Variants in RHOT2 observed in about 807,000 individuals in gnomAD.
The protein encoded by RHOT2 is ras homolog family member T2.
Under a neutral mutation model 81.6 loss-of-function variants are expected in RHOT2, and 90 were observed. The ratio of observed to expected loss-of-function variants is 1.10; its 90% confidence interval spans 0.93 to 1.31. The LOEUF (loss-of-function observed/expected upper bound fraction) is 1.31, where lower values mean the gene tolerates loss of function less well. Among genes scored for constraint, RHOT2 ranks in the 40% most tolerant of loss-of-function variants. The probability of loss-of-function intolerance (pLI) is 0.00; values close to 1 mark genes in which losing one functional copy is unlikely to be tolerated. For synonymous variants in RHOT2, 512 were observed against 370.9 expected (o/e 1.38, Z -4.37); for missense variants, 1,014 against 841.9 (o/e 1.20, Z -2.53).
At position 673,823 on chromosome 16, in the gene RHOT2, G is replaced by T. The variant is rs2039347633; in HGVS notation, c.*217G>T. 1.5e-6 allele frequency: 1 copy of T among 659,136 alleles called. No homozygotes were observed. The highest frequency in any genetic ancestry group is 2.6e-6 in the Non-Finnish European group (1 of 386,352). The allele number at this position is 659,136 out of a possible 1,614,324, so 40.8% of individuals were successfully genotyped here. ...GGACCCCCAGGGTGGGCCGTGGCAG[G>T]TGGCTGAGCAGGAGCTCCCAAGTGC... On this transcript the variant is annotated 3_prime_UTR_variant, in exon 19 of 19. Coordinates refer to ENST00000315082, the MANE Select transcript of RHOT2 (RefSeq NM_138769.3).
In RHOT2 at chr16:672,022, T is replaced by C. The variant is rs765418084; in HGVS notation, c.1097+20T>C. The C allele has an allele frequency of 3.7e-6, 6 of 1,611,562 alleles. No homozygotes were observed. Among genetic ancestry groups the C allele is most frequent in the Non-Finnish European group, 5.1e-6 (6 of 1,179,516 alleles). On this transcript the variant is annotated intron_variant, in intron 13 of 18. Transcript: ENST00000315082. ...GTGGACGTAAGTGCGGCCCACACCA[T>C]GCCCGCCTGCCGCACCACCCTCCCC...
chr16:669,490 G>T lies in RHOT2; in HGVS notation c.223-63G>T, dbSNP rs555842570. The T allele has an allele frequency of 9.7e-6, 15 of 1,551,836 alleles. No individual in the cohort carries two copies. The African/African-American group carries it at 1.9e-4, about 20-fold the overall frequency. On this transcript the variant is annotated intron_variant, in intron 4 of 18. Transcript: ENST00000315082. ...CTGGAGCCTCGAGATGGCGTGGAAC[G>T]GCCAGGGTCGTCGGTGGTGAGCCAG...
chr16:672,030 T>C, intron 13 of RHOT2, 28 bp downstream of exon 13: 2 of 1,611,900 alleles, frequency 1.2e-6, no homozygotes, highest in Non-Finnish European at 1.7e-6. Flanking sequence ...CATGCCCGCC[T>C]GCCGCACCAC....
At chr16:670,637 G>C in intron 8 of RHOT2, 38 bp from the exon 9 acceptor site, 5 of 1,607,134 alleles carry the variant, frequency 3.1e-6, no homozygotes, top group South Asian at 1.1e-5. Context: ...GCAGGTCGGC[G>C]TGGGTCACCT....
In RHOT2 at chr16:672,823, A is replaced by G. The variant is rs1211727879; in HGVS notation, c.1525A>G (p.Lys509Glu). ...KSFAHCASVY[K>E]HHYMDGQTPC... ...CTTTGCACATTGTGCCAGCGTCTACAAGGTGGGGCCCTGCAGGGGCCACGT... is the reference window on the plus strand; with the variant it reads ...CTTTGCACATTGTGCCAGCGTCTACGAGGTGGGGCCCTGCAGGGGCCACGT... Residue 509 changes from lysine (K) to glutamate (E), a missense_variant and splice_region_variant, in exon 17 of 19, where the codon AAG becomes GAG. Lys to Glu is a moderately conservative substitution (Grantham distance 56). Coordinates refer to ENST00000315082, the MANE Select transcript of RHOT2 (RefSeq NM_138769.3). The G allele has an allele frequency of 6.2e-7, 1 of 1,612,602 alleles. No individual in the cohort carries two copies. Among genetic ancestry groups the G allele is most frequent in the Non-Finnish European group, 8.5e-7 (1 of 1,179,960 alleles).
intron 4 of RHOT2, chr16:669,200 G>T (rs772037006): frequency 4.5e-6 from 2 of 442,062 alleles, no homozygotes; most frequent in Non-Finnish European, 4.2e-6. Flanking sequence ...GTCTTGCAGG[G>T]TGTTGGGTTG....
intron 9 of RHOT2, 41 bp downstream of exon 9, chr16:670,814 C>T (rs1486060797): frequency 1.2e-5 from 20 of 1,606,388 alleles, no homozygotes; most frequent in East Asian, 2.2e-5. Context: ...CCCCCTTGAA[C>T]CTCCGCTGCC....
chr16:672,499 C>A lies in RHOT2; in HGVS notation c.1337C>A (p.Thr446Lys). 3 of 1,612,582 alleles carry A rather than the reference C, an allele frequency of 1.9e-6. No homozygotes were observed. In the South Asian group the frequency reaches 3.3e-5, roughly 18 times the overall value. Residue 446 changes from threonine to lysine, a missense_variant, in exon 16 of 19, where the codon ACG (threonine) becomes AAG (lysine). Coordinates refer to ENST00000315082, the MANE Select transcript of RHOT2 (RefSeq NM_138769.3). Reference protein sequence around the residue: ...FLGRGLGHQDTREQPPGYAID... With the variant: ...FLGRGLGHQDKREQPPGYAID... ...CTTCACCTCCCTCAGCACCAGGACA[C>A]GAGGGAGCAGCCTCCCGGCTACGCC...
In RHOT2 at chr16:673,735, T is replaced by C; in HGVS notation, c.*129T>C. The C allele has an allele frequency of 8.4e-7, 1 of 1,197,356 alleles. No individual in the cohort carries two copies. Among genetic ancestry groups the C allele is most frequent in the Non-Finnish European group, 1.2e-6 (1 of 860,722 alleles). 74.2% of individuals were successfully genotyped at this position (1,197,356 alleles called of 1,614,324 possible). On this transcript the variant is annotated 3_prime_UTR_variant, in exon 19 of 19. Coordinates refer to ENST00000315082, the MANE Select transcript of RHOT2 (RefSeq NM_138769.3). ...AACGCCTTTGCGCCGGGACTTTTTG[T>C]TTCTGAAGGCAGTCGATCTGCAGCG... is the stretch of plus-strand genomic sequence containing the variant.
At chr16:669,182 C>T (rs1042552245) in intron 4 of RHOT2, 19 of 404,338 alleles carry the variant, frequency 4.7e-5, no homozygotes, top group Admixed American at 1.2e-4. Flanking sequence ...GGGGCCAAGG[C>T]GGCGGCTGTC....
rs752769321 is a variant in RHOT2 at position 668,342 on chromosome 16, G to A, written c.38-11G>A. On this transcript the variant is annotated splice_polypyrimidine_tract_variant and intron_variant, in intron 1 of 18. Coordinates refer to ENST00000315082, the MANE Select transcript of RHOT2 (RefSeq NM_138769.3). ...CCTTGGCCCTCGCGCTGACCGCCTCGCCCCGCGCAGCCCAGGTGGGGAAGA... is the reference window on the plus strand; with the variant it reads ...CCTTGGCCCTCGCGCTGACCGCCTCACCCCGCGCAGCCCAGGTGGGGAAGA... The A allele has an allele frequency of 7.2e-7, 1 of 1,392,182 alleles. No homozygotes were observed. Among genetic ancestry groups the A allele is most frequent in the Non-Finnish European group, 9.3e-7 (1 of 1,079,816 alleles). 86.2% of individuals were successfully genotyped at this position (1,392,182 alleles called of 1,614,324 possible).
rs750514337 is a variant in RHOT2, at chr16:670,782, CT to C, written c.639+10del. Reference sequence around the variant, plus strand: ...AGCTCAACGCTTTCCAGGTGTGCCCCTGCCCCACCCTCGGTGCCCAGCCCCC... The same window carrying C: ...AGCTCAACGCTTTCCAGGTGTGCCCCGCCCCACCCTCGGTGCCCAGCCCCC... On this transcript the variant is annotated intron_variant, in intron 9 of 18. Transcript: ENST00000315082. The C allele has an allele frequency of 8.7e-6, 14 of 1,611,088 alleles. No homozygotes were observed. Among genetic ancestry groups the C allele is most frequent in the Non-Finnish European group, 1.2e-5 (14 of 1,179,460 alleles).
rs370432749 is a variant in RHOT2 at position 673,558 on chromosome 16, C to T, written c.1809C>T (p.Ala603=). 3.3e-5 allele frequency: 53 copies of T among 1,612,240 alleles called. No individual in the cohort carries two copies. Among genetic ancestry groups the T allele is most frequent in the South Asian group, 2.3e-4 (21 of 91,068 alleles). ...TGGGGGTTGTCGGGGCCGCCGTGGC[C>T]GCAGTCCTCAGCTTCTCACTCTACA... ...GLLGVVGAAV[A]AVLSFSLYRV... is the part of the protein sequence containing the mutation. The change falls in exon 19 of 19, where the codon GCC becomes GCT. Residue 603 remains alanine, a synonymous_variant. Coordinates refer to ENST00000315082, the MANE Select transcript of RHOT2 (RefSeq NM_138769.3).
chr16:668,456 G>A, intron 2 of RHOT2, 32 bp from the exon 3 acceptor site: 2 of 1,579,820 alleles, frequency 1.3e-6, no homozygotes, highest in East Asian at 2.3e-5. Context: ...GCCCAGCCGG[G>A]GGTCCCTGGT....
chr16:673,534 G>A lies in RHOT2; in HGVS notation c.1785G>A (p.Leu595=). The change falls in exon 19 of 19, where the codon CTG becomes CTA. Residue 595 remains leucine (L), a synonymous_variant. Transcript: ENST00000315082. ...CTTCCTTCTGGCTCCGGGGGCTGCT[G>A]GGGGTTGTCGGGGCCGCCGTGGCCG... is the stretch of plus-strand genomic sequence containing the variant. ...HPSSFWLRGL[L]GVVGAAVAAV... is the part of the protein sequence containing the mutation. 1 of 1,612,600 alleles carries A rather than the reference G, an allele frequency of 6.2e-7. No homozygotes were observed. Among genetic ancestry groups the A allele is most frequent in the Non-Finnish European group, 8.5e-7 (1 of 1,179,914 alleles).
chr16:669,993 G>C (rs2038643148), intron 5 of RHOT2, 130 bp from the exon 6 acceptor site: 1 of 811,318 alleles, frequency 1.2e-6, no homozygotes, highest in Admixed American at 2.9e-5. Context: ...CTTTGTTCCT[G>C]TGGCCGGGAC....
chr16:669,499 C>T (rs1323371766), intron 4 of RHOT2, 54 bp from the exon 5 acceptor site: 10 of 1,580,606 alleles, frequency 6.3e-6, no homozygotes, highest in South Asian at 5.6e-5. Flanking sequence ...CGGCCAGGGT[C>T]GTCGGTGGTG....
In RHOT2 at chr16:668,659, C is replaced by G. The variant is rs550619568; in HGVS notation, c.182C>G (p.Ala61Gly). ...TGGAGTCTCTTTGTCCCCCTAGAAGCCGAGCAGACGGACGAGGAGCTGCGG... is the reference window on the plus strand; with the variant it reads ...TGGAGTCTCTTTGTCCCCCTAGAAGGCGAGCAGACGGACGAGGAGCTGCGG... ...VPTHIVDYSE[A>G]EQTDEELREE... Residue 61 changes from alanine to glycine, a missense_variant, in exon 4 of 19, where the codon GCC becomes GGC. Transcript: ENST00000315082. 4.4e-6 allele frequency: 7 copies of G among 1,606,568 alleles called. No homozygotes were observed. In the South Asian group the frequency reaches 6.7e-5, roughly 15 times the overall value.
Position 668,194 on chromosome 16 carries a change from G to A in RHOT2, c.-6G>A. The A allele has an allele frequency of 2.1e-6, 1 of 485,698 alleles. No homozygotes were observed. The highest frequency in any genetic ancestry group is 5.5e-5 in the South Asian group (1 of 18,272). 30.1% of individuals were successfully genotyped at this position (485,698 alleles called of 1,614,324 possible). A position where few individuals can be genotyped will look rare whatever the true frequency, so the allele number is the denominator to read the frequency against. ...CCGGGTCGGGGAGCGGCTCCGGGCG[G>A]CAGCTATGAGGCGGGACGTGCGCAT... On this transcript the variant is annotated 5_prime_UTR_variant, in exon 1 of 19. Transcript: ENST00000315082.
Sources: gnomAD v4.1 joint callset for allele counts on GRCh38, gnomAD v4.1.1 for gene constraint, MANE v1.5 for transcripts, NCBI Gene and HGNC (gene_info 2026-07-23, HGNC 2026-07-21) for gene names.